POC1B: variants seen among roughly 807,000 people sequenced by gnomAD.
POC1B encodes POC1 centriolar protein homolog B.
Under a neutral mutation model 60.6 loss-of-function variants are expected in POC1B, and 44 were observed. The ratio of observed to expected loss-of-function variants is 0.73; its 90% confidence interval spans 0.57 to 0.93. The LOEUF (loss-of-function observed/expected upper bound fraction) is 0.93. Ranked by LOEUF, POC1B falls within the 40% of genes least tolerant of loss-of-function variation. POC1B has a pLI of 0.00. For synonymous variants in POC1B, 180 were observed against 198.9 expected (o/e 0.90, Z 0.80); for missense variants, 555 against 572.3 (o/e 0.97, Z 0.31).
chr12:89,405,599 G>A, the POC1B span, among the ~76,000 whole-genome samples: 3 of 151,398 alleles, frequency 2.0e-5, no homozygotes, highest in African/African-American at 7.3e-5. Context: ...CTAGTTTTTG[G>A]CTGCAAGTAA....
chr12:89,474,444 T>C (rs924058420), intron 4 of POC1B, among the ~76,000 whole-genome samples: 2 of 152,152 alleles, frequency 1.3e-5, no homozygotes, highest in Non-Finnish European at 2.9e-5. Flanking sequence ...ATCAACCAAA[T>C]ACTACCACCA....
chr12:89,478,011 G>A (rs1883183028), intron 4 of POC1B, among the ~76,000 whole-genome samples: 1 of 152,142 alleles, frequency 6.6e-6, no homozygotes, highest in Non-Finnish European at 1.5e-5. Context: ...CTCAGGAACG[G>A]CCTTCCTGAA....
intron 10 of POC1B, among the ~76,000 whole-genome samples, chr12:89,440,914 C>T (rs546489369): frequency 6.6e-6 from 1 of 152,336 alleles, no homozygotes; most frequent in East Asian, 1.9e-4. Flanking sequence ...ACACTCCCAC[C>T]CTAATACTGC....
intron 4 of POC1B, among the ~76,000 whole-genome samples, chr12:89,478,076 CACATTCAT>C (rs1226561818): frequency 6.8e-6 from 1 of 147,542 alleles, no homozygotes; most frequent in Non-Finnish European, 1.5e-5. Context: ...TGCCCACAAC[CACATTCAT>C]TCATTCATTC....
rs149180232 is a variant in POC1B, at chr12:89,486,886, TTCTC to T, written c.452+5046_452+5049del. 3.1e-3 allele frequency among the ~76,000 whole-genome samples: 457 copies of T among 147,502 alleles called. 1 individual carries two copies. Among genetic ancestry groups the T allele is most frequent in the African/African-American group, 9.8e-3 (396 of 40,412 alleles). ...AAGGCAATTTTTAAAAACTCTCTCTTTCTCTCTCTCTCTCTCTCACACACACACA... is the reference window on the plus strand; with the variant it reads ...AAGGCAATTTTTAAAAACTCTCTCTTTCTCTCTCTCTCTCACACACACACA... On this transcript the variant is annotated intron_variant, in intron 4 of 11. Coordinates refer to ENST00000313546, the MANE Select transcript of POC1B (RefSeq NM_172240.3).
At chr12:89,476,811 C>T (rs1883140838) in intron 4 of POC1B, among the ~76,000 whole-genome samples, 1 of 151,932 alleles carries the variant, frequency 6.6e-6, no homozygotes, top group Non-Finnish European at 1.5e-5. Flanking sequence ...TTTCCTTTGG[C>T]TATTTCTTAT....
intron 2 of POC1B, chr12:89,500,926 A>C: frequency 1.0e-6 from 1 of 974,298 alleles, no homozygotes; most frequent in Non-Finnish European, 1.6e-6. Flanking sequence ...CGAAAAAGTG[A>C]ATCCAGTCCC....
chr12:89,452,213 G>A (rs914261657), intron 10 of POC1B, among the ~76,000 whole-genome samples: 2 of 152,074 alleles, frequency 1.3e-5, no homozygotes, highest in Non-Finnish European at 2.9e-5. Flanking sequence ...TCCCAGGCCC[G>A]GGACAGTCGG....
At chr12:89,437,952 C>T (rs1881341044) in intron 10 of POC1B, among the ~76,000 whole-genome samples, 1 of 150,692 alleles carries the variant, frequency 6.6e-6, no homozygotes, top group African/African-American at 2.5e-5. Context: ...GAGGCTGAGG[C>T]AGGAGAATTG....
intron 9 of POC1B, among the ~76,000 whole-genome samples, chr12:89,464,512 G>C (rs1293674377): frequency 2.9e-5 from 3 of 103,628 alleles, no homozygotes; most frequent in Non-Finnish European, 3.6e-5. Context: ...TTTTGAGACG[G>C]AGTCTTGCCC....
At chr12:89,454,007 A>G (rs961317589) in intron 10 of POC1B, among the ~76,000 whole-genome samples, 1 of 152,254 alleles carries the variant, frequency 6.6e-6, no homozygotes, top group Non-Finnish European at 1.5e-5. Flanking sequence ...GCACTTTGCT[A>G]GAAAATAAAA....
intron 2 of POC1B, chr12:89,524,111 C>CT: frequency 6.2e-7 from 1 of 1,613,986 alleles, no homozygotes; most frequent in East Asian, 2.2e-5. Flanking sequence ...GTCGACCAGG[C>CT]TTCGTTATAG....
chr12:89,524,843 C>G, intron 2 of POC1B: 1 of 619,514 alleles, frequency 1.6e-6, no homozygotes, highest in Non-Finnish European at 2.8e-6. Context: ...AACCCCTCCC[C>G]TTCCCACTCA....
At chr12:89,429,755 G>A (rs924446419) in intron 10 of POC1B, among the ~76,000 whole-genome samples, 6 of 152,122 alleles carry the variant, frequency 3.9e-5, no homozygotes, top group African/African-American at 1.4e-4. Context: ...TAAACAAGCA[G>A]ACAGAACATA....
rs947471987 is a variant in POC1B, at chr12:89,500,971, C to T, written c.101-3629G>A. ...CATGGAGGAATTGTTCCACCTCATT[C>T]GTGTCCTCCCGATGATATGAAGTTG... On this transcript the variant is annotated intron_variant, in intron 2 of 11. Transcript: ENST00000313546. The T allele has an allele frequency of 3.0e-5, 27 of 889,330 alleles. No individual in the cohort carries two copies. In the Admixed American group the frequency reaches 3.6e-4, roughly 12 times the overall value. 55.1% of individuals were successfully genotyped at this position (889,330 alleles called of 1,614,324 possible).
chr12:89,500,247 G>C (rs1259719694), intron 2 of POC1B: 1 of 1,564,274 alleles, frequency 6.4e-7, no homozygotes, highest in Admixed American at 1.8e-5. Context: ...AATGATTTTA[G>C]CACAAATTCT....
At chr12:89,418,847 C>T (rs1334670994), downstream of POC1B, among the ~76,000 whole-genome samples, 1 of 152,150 alleles carries the variant, frequency 6.6e-6, no homozygotes, top group Non-Finnish European at 1.5e-5. Flanking sequence ...GAGCCAAATA[C>T]ACCTCTTTTC....
the POC1B span, among the ~76,000 whole-genome samples, chr12:89,411,391 C>G: frequency 2.0e-5 from 3 of 152,198 alleles, no homozygotes; most frequent in East Asian, 5.8e-4. Context: ...TTTATATGCA[C>G]ATTATAATTA....
the POC1B span, among the ~76,000 whole-genome samples, chr12:89,404,690 G>C: frequency 8.8e-4 from 134 of 152,214 alleles, no homozygotes; most frequent in African/African-American, 3.0e-3. Context: ...TTGACTGTCA[G>C]CTCTTCCTGG....
Sources: gnomAD v4.1 joint callset for allele counts (sites outside exome capture counted in the v4.1 genomes callset) on GRCh38, gnomAD v4.1.1 for gene constraint, MANE v1.5 for transcripts, NCBI Gene and HGNC (gene_info 2026-07-23, HGNC 2026-07-21) for gene names.